Variants in RBFOX3 observed in about 807,000 individuals in gnomAD.
RBFOX3 encodes RNA binding protein fox-1 homolog 3.
RBFOX3 carries 17 observed loss-of-function variants against 48.7 expected under a neutral mutation model. That is an observed-to-expected ratio of 0.35 (90% CI 0.24 to 0.52). The LOEUF (loss-of-function observed/expected upper bound fraction) is 0.52. RBFOX3 is among the 20% of genes least tolerant of loss of function. The pLI is 0.94. For synonymous variants in RBFOX3, 212 were observed against 209.5 expected, an observed-to-expected ratio of 1.01 and a Z score of -0.10; for missense variants, 382 against 497.5, an observed-to-expected ratio of 0.77 and a Z score of 2.21.
intron 4 of RBFOX3, among the ~76,000 whole-genome samples, chr17:79,124,059 T>C (rs2036501800): frequency 6.6e-6 from 1 of 152,214 alleles, no homozygotes; most frequent in South Asian, 2.1e-4. Flanking sequence ...AAGCGCAAGA[T>C]GAGTTGGCAT....
At chr17:79,271,795 G>A (rs1361010604) in intron 3 of RBFOX3, among the ~76,000 whole-genome samples, 2 of 152,208 alleles carry the variant, frequency 1.3e-5, no homozygotes, top group African/African-American at 4.8e-5. Context: ...TCAGATCCCA[G>A]AGAAGAAGCG....
intron 3 of RBFOX3, among the ~76,000 whole-genome samples, chr17:79,303,851 CTGTG>C (rs34981785): frequency 1.5e-3 from 229 of 147,824 alleles, no homozygotes; most frequent in African/African-American, 2.9e-3. Context: ...GCATGTCTGC[CTGTG>C]TGTGTGTGTG....
intron 1 of RBFOX3, among the ~76,000 whole-genome samples, chr17:79,548,910 G>C (rs1421196817): frequency 1.3e-5 from 2 of 152,248 alleles, no homozygotes; most frequent in African/African-American, 4.8e-5. Flanking sequence ...TCCCTCGCTA[G>C]ATACCATGGT....
At chr17:79,356,349 T>G (rs151102925) in intron 2 of RBFOX3, among the ~76,000 whole-genome samples, 192 of 10,912 alleles carry the variant, frequency 0.018, 2 homozygotes, top group Non-Finnish European at 0.021. Context: ...AACAGGGAAG[T>G]TTTTTTTTTT....
the RBFOX3 span, among the ~76,000 whole-genome samples, chr17:79,623,026 C>T: frequency 3.3e-5 from 5 of 152,150 alleles, no homozygotes; most frequent in African/African-American, 1.2e-4. Context: ...CCCTCAGCTC[C>T]CTCCCCTACA....
chr17:79,355,285 C>T (rs954676141), intron 2 of RBFOX3, among the ~76,000 whole-genome samples: 1 of 152,226 alleles, frequency 6.6e-6, no homozygotes, highest in Non-Finnish European at 1.5e-5. Flanking sequence ...GCCTGCAGAA[C>T]GTATCGAGGG....
Position 79,362,853 on chromosome 17 carries a change from C to G in RBFOX3, c.-174-55029G>C, listed in dbSNP as rs931669256. 6.6e-6 allele frequency among the ~76,000 whole-genome samples: 1 copy of G among 152,190 alleles called. No homozygotes were observed. The highest frequency in any genetic ancestry group is 1.5e-5 in the Non-Finnish European group (1 of 68,036). ...ATCAGACAACCCTGAACGCCCGGCTCTGTGTGCAGACCTCATTCTCGGACA... is the reference window on the plus strand; with the variant it reads ...ATCAGACAACCCTGAACGCCCGGCTGTGTGTGCAGACCTCATTCTCGGACA... On this transcript the variant is annotated intron_variant, in intron 2 of 14. Coordinates refer to ENST00000693108, the MANE Select transcript of RBFOX3 (RefSeq NM_001350451.2). This position sits in a 1 kb window ranked among gnomAD's most constrained non-coding sequence, Gnocchi z 4.2.
intron 4 of RBFOX3, among the ~76,000 whole-genome samples, chr17:79,196,163 C>T (rs545613215): frequency 2.1e-4 from 32 of 152,322 alleles, no homozygotes; most frequent in African/African-American, 7.5e-4. Context: ...GTCGGAGTCA[C>T]TGCCCCCTTC....
intron 3 of RBFOX3, among the ~76,000 whole-genome samples, chr17:79,251,735 C>A (rs538265573): frequency 5.1e-4 from 78 of 152,326 alleles, no homozygotes; most frequent in African/African-American, 1.8e-3. Flanking sequence ...GGTTCCGCCC[C>A]ATTGTACACT....
Position 79,090,949 on chromosome 17 carries a change from C to T in RBFOX3, c.1078-64G>A, listed in dbSNP as rs1202689757. The T allele has an allele frequency of 1.7e-5, 26 of 1,502,036 alleles. 1 individual carries two copies. The highest frequency in any genetic ancestry group is 1.3e-4 in the South Asian group (10 of 77,962). 93.0% of individuals were successfully genotyped at this position (1,502,036 alleles called of 1,614,324 possible). On this transcript the variant is annotated intron_variant, in intron 14 of 14. Transcript: ENST00000693108. ...GGGGGAGGCACAGCAGGTGTGAAGG[C>T]GACAGGACCACGTGGCACGGGGCCC...
rs1487654249 is a variant in RBFOX3 at position 79,363,339 on chromosome 17, C to T, written c.-174-55515G>A. 6.6e-6 allele frequency among the ~76,000 whole-genome samples: 1 copy of T among 152,056 alleles called. No individual in the cohort carries two copies. The highest frequency in any genetic ancestry group is 2.4e-5 in the African/African-American group (1 of 41,382). ...GTGAATGGAGACTCTCTTGGCAACG[C>T]CAGGGAGAGGAACAGGATTCCTGGG... On this transcript the variant is annotated intron_variant, in intron 2 of 14. Transcript: ENST00000693108. The surrounding 1 kb of genome is among the most constrained non-coding windows in gnomAD (Gnocchi z 4.7).
intron 1 of RBFOX3, among the ~76,000 whole-genome samples, chr17:79,559,568 T>G: frequency 1.9e-5 from 2 of 107,952 alleles, no homozygotes; most frequent in Non-Finnish European, 3.7e-5. Context: ...GGTGGACAGA[T>G]GGGTGAGTGG....
intron 2 of RBFOX3, among the ~76,000 whole-genome samples, chr17:79,352,105 C>T (rs2147014942): frequency 6.6e-6 from 1 of 152,276 alleles, no homozygotes. Flanking sequence ...CCTGCCTTTT[C>T]CTCCTTTCAA....
intron 4 of RBFOX3, among the ~76,000 whole-genome samples, chr17:79,156,401 G>A (rs2045810703): frequency 6.6e-6 from 1 of 152,122 alleles, no homozygotes; most frequent in South Asian, 2.1e-4. Context: ...CCATTCCCAG[G>A]GACAGTGACC....
At position 79,443,736 on chromosome 17, in the gene RBFOX3, G is replaced by T. The variant is rs917096588; in HGVS notation, c.-175+38718C>A. Among the ~76,000 whole-genome samples the T allele has an allele frequency of 1.3e-5, 2 of 152,158 alleles. No individual in the cohort carries two copies. The highest frequency in any genetic ancestry group is 6.5e-5 in the Admixed American group (1 of 15,272). ...GTTCTCACATGCTCACACTACTTGG[G>T]ATCGCAGCCTCTTCTCCCTTGTCTA... On this transcript the variant is annotated intron_variant, in intron 2 of 14. Transcript: ENST00000693108. The surrounding 1 kb of genome is among the most constrained non-coding windows in gnomAD (Gnocchi z 4.4).
chr17:79,242,187 GTGC>G lies in RBFOX3; in HGVS notation c.-73-6385_-73-6383del, dbSNP rs1555624808. Among the ~76,000 whole-genome samples, 2 of 152,112 alleles carry G rather than the reference GTGC, an allele frequency of 1.3e-5. No homozygotes were observed. The highest frequency in any genetic ancestry group is 4.8e-5 in the African/African-American group (2 of 41,418). Reference sequence around the variant, plus strand: ...GACCTTGGGAGCTCTGGTTCCCAGCGTGCTGCTGCTGCTGGTGGAGGGGGTGCT... The same window carrying G: ...GACCTTGGGAGCTCTGGTTCCCAGCGTGCTGCTGCTGGTGGAGGGGGTGCT... On this transcript the variant is annotated intron_variant, in intron 3 of 14. Transcript: ENST00000693108. This position sits in a 1 kb window ranked among gnomAD's most constrained non-coding sequence, Gnocchi z 5.8.
intron 3 of RBFOX3, among the ~76,000 whole-genome samples, chr17:79,284,542 G>A (rs1167694132): frequency 2.6e-5 from 1 of 39,028 alleles, no homozygotes; most frequent in Non-Finnish European, 5.0e-5. Flanking sequence ...GAAGAGACTC[G>A]CTTTTTTTTT....
chr17:79,152,654 GGGGAAAGAGA>G (rs1218797101), intron 4 of RBFOX3, among the ~76,000 whole-genome samples: 4 of 152,212 alleles, frequency 2.6e-5, no homozygotes, highest in Non-Finnish European at 5.9e-5. Context: ...AGACGGAAAA[GGGGAAAGAGA>G]GGGAAAGAAC....
In RBFOX3 at chr17:79,356,367, T is replaced by TTTTGTTTTTG. The variant is rs1555684827; in HGVS notation, c.-174-48544_-174-48543insCAAAAACAAA. On this transcript the variant is annotated intron_variant, in intron 2 of 14. Coordinates refer to ENST00000693108, the MANE Select transcript of RBFOX3 (RefSeq NM_001350451.2). ...AGGGAAGTTTTTTTTTTTTTTTTTT[T>TTTTGTTTTTG]TTTTTTTTTTTTTTTTTTTGAGGAG... is the stretch of plus-strand genomic sequence containing the variant. Among the ~76,000 whole-genome samples the TTTTGTTTTTG allele has an allele frequency of 1.5e-3, 115 of 77,042 alleles. 3 individuals carry two copies. Among genetic ancestry groups the TTTTGTTTTTG allele is most frequent in the South Asian group, 5.1e-3 (9 of 1,774 alleles). 50.5% of individuals were successfully genotyped at this position (77,042 alleles called of 152,430 possible).
Sources: gnomAD v4.1 joint callset for allele counts (sites outside exome capture counted in the v4.1 genomes callset) on GRCh38, gnomAD v4.1.1 for gene constraint, Gnocchi (gnomAD v3.1) non-coding constraint, MANE v1.5 for transcripts, NCBI Gene and HGNC (gene_info 2026-07-23, HGNC 2026-07-21) for gene names.